RBFOX1: variants seen among roughly 807,000 people sequenced by gnomAD.
The protein encoded by RBFOX1 is RNA binding protein fox-1 homolog 1.
Under a neutral mutation model 57.7 loss-of-function variants are expected in RBFOX1, and 8 were observed. The ratio of observed to expected loss-of-function variants is 0.14; its 90% CI spans 0.08 to 0.25. The LOEUF is 0.25. RBFOX1 is among the 10% of genes least tolerant of loss of function. The pLI, the probability that RBFOX1 is intolerant of heterozygous loss-of-function variation, is 1.00. For synonymous variants in RBFOX1, 326 were observed against 222.4 expected (o/e 1.47, Z -4.15); for missense variants, 611 against 548.5 (o/e 1.11, Z -1.14).
rs554169245 is a variant in RBFOX1, at chr16:6,234,780, T to A, written c.-126-82215T>A. Among the ~76,000 whole-genome samples the A allele has an allele frequency of 3.3e-5, 5 of 151,990 alleles. No individual in the cohort carries two copies. In the South Asian group the frequency reaches 1.0e-3, roughly 32 times the overall value. ...GGTTGAGGTTACATGGATCTATACA[T>A]ACACATGAACCACACATACGCATGA... On this transcript the variant is annotated intron_variant, in intron 1 of 15. Transcript: ENST00000550418.
At chr16:5,427,934 CAGGT>C (rs2067612393) in intron 1 of RBFOX1, among the ~76,000 whole-genome samples, 3 of 152,206 alleles carry the variant, frequency 2.0e-5, no homozygotes. Flanking sequence ...TTAACCATCA[CAGGT>C]AGAGTCAGCA....
chr16:6,532,381 C>T (rs1269364297), intron 2 of RBFOX1, among the ~76,000 whole-genome samples: 1 of 152,136 alleles, frequency 6.6e-6, no homozygotes, highest in East Asian at 1.9e-4. Context: ...GGTTTCAGAG[C>T]TGCCCTAGGC....
At chr16:7,681,928 G>A (rs1234902347) in intron 14 of RBFOX1, among the ~76,000 whole-genome samples, 2 of 152,086 alleles carry the variant, frequency 1.3e-5, no homozygotes, top group East Asian at 3.9e-4. Flanking sequence ...GTGTGGCAAG[G>A]AGAGATCTCA....
intron 2 of RBFOX1, among the ~76,000 whole-genome samples, chr16:6,540,611 CAAAAAAAAAAAAA>C (rs140566519): frequency 3.0e-5 from 2 of 67,668 alleles, no homozygotes; most frequent in Non-Finnish European, 5.3e-5. Flanking sequence ...GACTCTGTCT[CAAAAAAAAAAAAA>C]AAAAAAAAAA....
rs572036550 is a variant in RBFOX1, at chr16:7,223,033, A to T, written c.27+170935A>T. Among the ~76,000 whole-genome samples the T allele has an allele frequency of 3.3e-5, 5 of 152,296 alleles. No individual in the cohort carries two copies. In the East Asian group the frequency reaches 9.6e-4, roughly 29 times the overall value. On this transcript the variant is annotated intron_variant, in intron 4 of 15. Coordinates refer to ENST00000550418, the MANE Select transcript of RBFOX1 (RefSeq NM_018723.4). ...CTTCTCTTCCATCTGGCCACCTGTT[A>T]TATAATTAAGCCTGATTGCAGATGC...
intron 2 of RBFOX1, among the ~76,000 whole-genome samples, chr16:5,577,736 A>G (rs4786720): frequency 0.88 from 134,370 of 152,184 alleles, 59,421 homozygotes; most frequent in East Asian, 1. Flanking sequence ...CCATGATCAA[A>G]CACGTTAATA....
chr16:6,353,139 A>G (rs111505844), intron 2 of RBFOX1, among the ~76,000 whole-genome samples: 3 of 152,210 alleles, frequency 2.0e-5, no homozygotes, highest in South Asian at 2.1e-4. Context: ...TCCGCCTCCT[A>G]TAAACCTGGG....
intron 4 of RBFOX1, among the ~76,000 whole-genome samples, chr16:7,387,727 C>G (rs2097908810): frequency 6.6e-6 from 1 of 152,120 alleles, no homozygotes; most frequent in Non-Finnish European, 1.5e-5. Context: ...GGTACACATC[C>G]TGCGTCAACT....
intron 2 of RBFOX1, among the ~76,000 whole-genome samples, chr16:6,334,852 G>A (rs191957413): frequency 4.3e-4 from 66 of 152,180 alleles, no homozygotes; most frequent in Non-Finnish European, 7.6e-4. Flanking sequence ...CTAGACAGAA[G>A]AAACTTTTCC....
chr16:5,372,576 T>G (rs1018110295), intron 1 of RBFOX1, among the ~76,000 whole-genome samples: 9 of 152,178 alleles, frequency 5.9e-5, no homozygotes, highest in Admixed American at 2.0e-4. Flanking sequence ...GGTTTAGCCG[T>G]GGAGGTGATG....
intron 3 of RBFOX1, among the ~76,000 whole-genome samples, chr16:6,676,138 A>AGG (rs796794779): frequency 3.6e-5 from 1 of 28,054 alleles, no homozygotes; most frequent in Admixed American, 3.8e-4. Context: ...ACACACACAC[A>AGG]CGCGCACACA....
intron 4 of RBFOX1, among the ~76,000 whole-genome samples, chr16:7,177,901 T>A (rs138561369): frequency 3.3e-5 from 5 of 152,302 alleles, no homozygotes; most frequent in African/African-American, 1.2e-4. Flanking sequence ...TTTACCAGCT[T>A]CTGTTCTAGT....
chr16:7,045,516 G>T (rs941041347), intron 3 of RBFOX1, among the ~76,000 whole-genome samples: 2 of 152,152 alleles, frequency 1.3e-5, no homozygotes, highest in Non-Finnish European at 1.5e-5. Context: ...TGATAATGTG[G>T]TGCCACTTCA....
At chr16:6,092,040 C>A (rs79954511) in intron 1 of RBFOX1, among the ~76,000 whole-genome samples, 3 of 152,126 alleles carry the variant, frequency 2.0e-5, no homozygotes, top group Non-Finnish European at 4.4e-5. Flanking sequence ...CCTATCCATC[C>A]GTCCTCCTTG....
chr16:5,898,573 C>G (rs1021061966), intron 4 of RBFOX1, among the ~76,000 whole-genome samples: 2 of 150,414 alleles, frequency 1.3e-5, no homozygotes, highest in African/African-American at 4.9e-5. Context: ...TTAATCCTCT[C>G]TACAATGAGC....
intron 1 of RBFOX1, among the ~76,000 whole-genome samples, chr16:5,379,454 A>G (rs577397214): frequency 2.0e-5 from 3 of 152,156 alleles, no homozygotes; most frequent in Admixed American, 2.0e-4. Flanking sequence ...AGTGTGTCTG[A>G]AAACATAATC....
chr16:6,310,019 C>G (rs2080047768), intron 1 of RBFOX1, among the ~76,000 whole-genome samples: 1 of 152,126 alleles, frequency 6.6e-6, no homozygotes, highest in African/African-American at 2.4e-5. Flanking sequence ...TCCCGAGGAG[C>G]TGGGAATATA....
chr16:5,456,607 A>C (rs563696868), intron 1 of RBFOX1, among the ~76,000 whole-genome samples: 45 of 152,322 alleles, frequency 3.0e-4, no homozygotes, highest in African/African-American at 1.1e-3. Context: ...CTCACCTGCC[A>C]CACACAGTCA....
intron 3 of RBFOX1, among the ~76,000 whole-genome samples, chr16:6,849,325 A>C (rs775949789): frequency 1.3e-5 from 2 of 152,182 alleles, no homozygotes; most frequent in Non-Finnish European, 2.9e-5. Flanking sequence ...TTTTAAGAGA[A>C]ATAGATTATG....
Sources: allele counts gnomAD v4.1 joint callset (sites outside exome capture counted in the v4.1 genomes callset), GRCh38; gene constraint gnomAD v4.1.1; transcripts MANE v1.5; gene names NCBI Gene and HGNC (gene_info 2026-07-23, HGNC 2026-07-21).